CLDN14: variants seen among roughly 807,000 people sequenced by gnomAD.
CLDN14 encodes claudin-14.
A neutral mutation model predicts 2.1 loss-of-function variants in CLDN14; 2 were observed. The observed-to-expected ratio is 0.96, with a 90% CI of 0.39 to 3.01. The LOEUF (loss-of-function observed/expected upper bound fraction) is 3.01. Ranked by LOEUF, CLDN14 falls within the 30% of genes most tolerant of loss-of-function variation. The probability of loss-of-function intolerance (pLI) is 0.09; values close to 1 mark genes in which losing one functional copy is unlikely to be tolerated. For synonymous variants in CLDN14, 136 were observed against 154.4 expected, an observed-to-expected ratio of 0.88 and a Z score of 0.88; for missense variants, 298 against 328.0, an observed-to-expected ratio of 0.91 and a Z score of 0.71.
Position 36,486,275 on chromosome 21 carries a change from A to G in CLDN14, c.-82+24088T>C, listed in dbSNP as rs1292164548. 3 of 773,712 alleles carry G rather than the reference A, an allele frequency of 3.9e-6. No homozygotes were observed. The African/African-American group carries it at 5.7e-5, about 15-fold the overall frequency. The allele number at this position is 773,712 out of a possible 1,614,324, so 47.9% of individuals were successfully genotyped here. On this transcript the variant is annotated intron_variant, in intron 2 of 2. Transcript: ENST00000342108. Reference sequence around the variant, plus strand: ...TAAGCAATCCCCTCTTCCTTAGGTCAGGAAGTCCGGTATGGCCAAACTCTT... The same window carrying G: ...TAAGCAATCCCCTCTTCCTTAGGTCGGGAAGTCCGGTATGGCCAAACTCTT...
At chr21:36,572,654 G>T (rs911565906) in intron 1 of CLDN14, among the ~76,000 whole-genome samples, 2 of 152,150 alleles carry the variant, frequency 1.3e-5, no homozygotes, top group Non-Finnish European at 2.9e-5. Context: ...AATCACATTT[G>T]TTTTTTAAAC....
chr21:36,496,234 G>T lies in CLDN14; in HGVS notation c.-82+14129C>A, dbSNP rs2087015994. On this transcript the variant is annotated intron_variant, in intron 2 of 2. Coordinates refer to the CLDN14 transcript ENST00000342108. ...GAGGATCATTGGAGTCCAGGAGTTTGAGATCAGCCTGGGCAACATAGTGAA... is the reference window on the plus strand; with the variant it reads ...GAGGATCATTGGAGTCCAGGAGTTTTAGATCAGCCTGGGCAACATAGTGAA... Among the ~76,000 whole-genome samples, 4 of 151,932 alleles carry T rather than the reference G, an allele frequency of 2.6e-5. No individual in the cohort carries two copies. In the South Asian group the frequency reaches 8.3e-4, roughly 32 times the overall value.
chr21:36,538,370 T>C (rs1325217157), intron 1 of CLDN14, among the ~76,000 whole-genome samples: 1 of 152,158 alleles, frequency 6.6e-6, no homozygotes, highest in Non-Finnish European at 1.5e-5. Flanking sequence ...GTTGCAGAAC[T>C]GCGTGGCAAG....
intron 1 of CLDN14, among the ~76,000 whole-genome samples, chr21:36,462,808 C>T (rs2146414825): frequency 6.6e-6 from 1 of 152,140 alleles, no homozygotes; most frequent in South Asian, 2.1e-4. Flanking sequence ...ATCCCAGCTA[C>T]TCGGGAGGCT....
At position 36,527,801 on chromosome 21, in the gene CLDN14, T is replaced by A. The variant is rs190316635; in HGVS notation, c.-219-17301A>T. On this transcript the variant is annotated intron_variant, in intron 1 of 2. Transcript: ENST00000342108. Reference sequence around the variant, plus strand: ...TAATGTCCTAATTTCTTTCTTTTTTTTTTCTTGTTGCTTGTTCTTCTGTAT... The same window carrying A: ...TAATGTCCTAATTTCTTTCTTTTTTATTTCTTGTTGCTTGTTCTTCTGTAT... 1.6e-3 allele frequency among the ~76,000 whole-genome samples: 244 copies of A among 152,254 alleles called. 1 individual carries two copies. Among genetic ancestry groups the A allele is most frequent in the Admixed American group, 2.9e-3 (45 of 15,304 alleles).
intron 2 of CLDN14, chr21:36,486,071 T>C (rs2086892101): frequency 7.2e-7 from 1 of 1,393,786 alleles, no homozygotes; most frequent in African/African-American, 1.4e-5. Context: ...AATGGCTTCA[T>C]TGTTGGGATC....
chr21:36,512,194 G>T (rs2087192058), intron 1 of CLDN14, among the ~76,000 whole-genome samples: 1 of 152,148 alleles, frequency 6.6e-6, no homozygotes, highest in African/African-American at 2.4e-5. Context: ...AGAAGACATC[G>T]CCAAAGGAAC....
intron 1 of CLDN14, among the ~76,000 whole-genome samples, chr21:36,529,362 C>G (rs1487234987): frequency 6.6e-6 from 1 of 152,088 alleles, no homozygotes; most frequent in Non-Finnish European, 1.5e-5. Context: ...CATCTTGACT[C>G]ACTGCAACCT....
intron 1 of CLDN14, among the ~76,000 whole-genome samples, chr21:36,529,316 G>C (rs1005363604): frequency 1.3e-5 from 2 of 151,610 alleles, no homozygotes; most frequent in African/African-American, 4.9e-5. Context: ...AGGGTGTCTT[G>C]CTCTGTCTGT....
chr21:36,533,189 C>A (rs1257247496), intron 1 of CLDN14, among the ~76,000 whole-genome samples: 1 of 152,172 alleles, frequency 6.6e-6, no homozygotes, highest in Non-Finnish European at 1.5e-5. Flanking sequence ...TCTGGCTGTG[C>A]CTTCCCTCCG....
chr21:36,485,484 C>G (rs2086885964), intron 2 of CLDN14, among the ~76,000 whole-genome samples: 1 of 152,228 alleles, frequency 6.6e-6, no homozygotes, highest in South Asian at 2.1e-4. Flanking sequence ...GTTGATATTA[C>G]AGGCGTGAGC....
intron 2 of CLDN14, among the ~76,000 whole-genome samples, chr21:36,509,829 C>T (rs569568345): frequency 6.4e-4 from 97 of 152,192 alleles, no homozygotes; most frequent in African/African-American, 2.3e-3. Flanking sequence ...CTCCTGACCT[C>T]GTAATCCGCC....
rs2087375676 is a variant in CLDN14, at chr21:36,531,090, TG to T, written c.-219-20591del. Among the ~76,000 whole-genome samples, 3 of 151,818 alleles carry T rather than the reference TG, an allele frequency of 2.0e-5. No homozygotes were observed. The South Asian group carries it at 6.2e-4, about 32-fold the overall frequency. The stretch of plus-strand genomic sequence containing the variant: ...TACTAAAAAATACAAAAATCAGCCA[TG>T]GGTGGTGGCACCTGTAATCCCAGCT... On this transcript the variant is annotated intron_variant, in intron 1 of 2. Coordinates refer to the CLDN14 transcript ENST00000342108.
chr21:36,553,174 C>T (rs150268286), intron 1 of CLDN14, among the ~76,000 whole-genome samples: 7 of 152,310 alleles, frequency 4.6e-5, no homozygotes, highest in East Asian at 1.9e-4. Flanking sequence ...GCTGCAGCCT[C>T]GAGGCCCCCG....
rs1350928635 is a variant in CLDN14 at position 36,473,733 on chromosome 21, GGGGCTCCA to G, written c.-82+5754_-82+5761del. ...AGGGAACGTTAGATAGAGAGGAGCA[GGGGCTCCA>G]GGGCTGATTCTAGGAACCCTCCAAC... On this transcript the variant is annotated intron_variant, in intron 1 of 1. Coordinates refer to ENST00000399135, the MANE Select transcript of CLDN14 (RefSeq NM_001146079.2). Among the ~76,000 whole-genome samples, 5 of 152,200 alleles carry G rather than the reference GGGGCTCCA, an allele frequency of 3.3e-5. No individual in the cohort carries two copies. In the South Asian group the frequency reaches 6.2e-4, roughly 19 times the overall value.
intron 1 of CLDN14, among the ~76,000 whole-genome samples, chr21:36,534,067 A>C (rs73206253): frequency 0.028 from 4,335 of 152,242 alleles, 84 homozygotes; most frequent in Non-Finnish European, 0.042. Context: ...GAAAAATTGC[A>C]ATAGCTTAGT....
intron 1 of CLDN14, among the ~76,000 whole-genome samples, chr21:36,572,390 TC>T (rs1279862430): frequency 9.9e-6 from 1 of 100,992 alleles, no homozygotes; most frequent in Non-Finnish European, 2.5e-5. Context: ...TGACCTTCCC[TC>T]TGCGGAGTCC....
rs1398333359 is a variant in CLDN14, at chr21:36,544,477, GTT to G, written c.-220+31932_-220+31933del. On this transcript the variant is annotated intron_variant, in intron 1 of 2. Coordinates refer to the CLDN14 transcript ENST00000342108. This position sits in a 1 kb window ranked among gnomAD's most constrained non-coding sequence, Gnocchi z 4.1. ...TCATCCCTGCCTGCAGCTATTGACT[GTT>G]TGCATAGGAGGGGATGGAGTTGGGA... 1.3e-5 allele frequency among the ~76,000 whole-genome samples: 2 copies of G among 152,180 alleles called. No individual in the cohort carries two copies. The highest frequency in any genetic ancestry group is 6.5e-5 in the Admixed American group (1 of 15,276).
chr21:36,567,646 G>A (rs2087682889), intron 1 of CLDN14, among the ~76,000 whole-genome samples: 1 of 152,088 alleles, frequency 6.6e-6, no homozygotes. Flanking sequence ...TTTCCATTTA[G>A]TGCCCTGGGT....
Sources: gnomAD v4.1 joint callset for allele counts (sites outside exome capture counted in the v4.1 genomes callset) on GRCh38, gnomAD v4.1.1 for gene constraint, Gnocchi (gnomAD v3.1) non-coding constraint, MANE v1.5 for transcripts, NCBI Gene and HGNC (gene_info 2026-07-23, HGNC 2026-07-21) for gene names.